The following CAD variants were observed in gnomAD, a reference collection of about 807,000 sequenced individuals.
The protein encoded by CAD is carbamoyl-phosphate synthetase 2, aspartate transcarbamylase, and dihydroorotase, also known as multifunctional protein CAD.
A neutral mutation model predicts 237.2 loss-of-function variants in CAD; 81 were observed. That is an observed-to-expected ratio of 0.34 (90% CI 0.29 to 0.41). The LOEUF (loss-of-function observed/expected upper bound fraction) is 0.41, where lower values mean the gene tolerates loss of function less well. Ranked by LOEUF, CAD falls within the 10% of genes least tolerant of loss-of-function variation. CAD has a pLI of 1.00. For synonymous variants in CAD, 1,196 were observed against 1,162.8 expected (o/e 1.03, Z -0.58); for missense variants, 2,181 against 2,951.7 (o/e 0.74, Z 6.05).
chr2:27,221,697 TA>T (rs1675173505), intron 3 of CAD, among the ~76,000 whole-genome samples: 1 of 148,360 alleles, frequency 6.7e-6, no homozygotes, highest in South Asian at 2.2e-4. Flanking sequence ...CGTCATACAC[TA>T]AAAAAATTAA....
rs1676269045 is a variant in CAD at position 27,240,581 on chromosome 2, C to G, written c.5593+220C>G. 1 of 1,546,226 alleles carries G rather than the reference C, an allele frequency of 6.5e-7. No individual in the cohort carries two copies. Among genetic ancestry groups the G allele is most frequent in the East Asian group, 2.5e-5 (1 of 40,728 alleles). The stretch of plus-strand genomic sequence containing the variant: ...GTTGTGGGCAGCTGTGTTCCTCCGC[C>G]CAGGAGCTGGGATCCCACGGGGCAG... On this transcript the variant is annotated intron_variant, in intron 35 of 43. Transcript: ENST00000264705. The surrounding 1 kb of genome is among the most constrained non-coding windows in gnomAD (Gnocchi z 4.6).
rs567787691 is a variant in CAD at position 27,233,417 on chromosome 2, C to T, written c.3097C>T (p.Arg1033Trp). 27 of 1,614,224 alleles carry T rather than the reference C, an allele frequency of 1.7e-5. 1 individual carries two copies. The South Asian group carries it at 2.2e-4, about 13-fold the overall frequency. The change falls in exon 20 of 44, where the codon CGG (arginine) becomes TGG (tryptophan). Residue 1033 changes from arginine (R) to tryptophan (W), a missense_variant. Coordinates refer to ENST00000264705, the MANE Select transcript of CAD (RefSeq NM_004341.5). The surrounding 1 kb of genome is among the most constrained non-coding windows in gnomAD (Gnocchi z 6.3). ...CATGGCGTTGCATCGGCAGCAGTGC[C>T]GGGTGCTGGGCACCTCCCCTGAAGC... The part of the protein sequence containing the change: ...MAMALHRQQC[R>W]VLGTSPEAID...
chr2:27,224,857 C>G lies in CAD; in HGVS notation c.1367C>G (p.Thr456Arg). The G allele has an allele frequency of 1.2e-6, 2 of 1,614,192 alleles. No individual in the cohort carries two copies. The highest frequency in any genetic ancestry group is 1.7e-6 in the Non-Finnish European group (2 of 1,180,026). Residue 456 changes from threonine (T) to arginine (R), a missense_variant, in exon 10 of 44, where the codon ACA becomes AGA. Thr to Arg is a moderately conservative substitution (Grantham distance 71). Around this residue, in one of 12 missense-constraint regions of CAD, gnomAD observed 174 missense variants for 215.8 expected, o/e 0.81. Coordinates refer to ENST00000264705, the MANE Select transcript of CAD (RefSeq NM_004341.5). ...GACAAGGTCTATTTTCTTCCCATAA[C>G]ACCTCATTATGTAACCCAGGTATGA... ...LADKVYFLPITPHYVTQVIRN... is the reference protein window; with the variant it reads ...LADKVYFLPIRPHYVTQVIRN...
rs1232210487 is a variant in CAD, at chr2:27,243,204, G to A, written c.6487G>A (p.Gly2163Ser). 28 of 1,613,940 alleles carry A rather than the reference G, an allele frequency of 1.7e-5. No individual in the cohort carries two copies. The highest frequency in any genetic ancestry group is 2.3e-5 in the Non-Finnish European group (27 of 1,179,978). ...GSTQEYEACF[G>S]QFILTPHIMT... ...GACCCCATCTGCTTTGCAGTGCTTT[G>A]GTCAGTTCATCCTCACTCCCCACAT... The change falls in exon 43 of 44, where the codon GGT (glycine) becomes AGT (serine). Residue 2163 changes from glycine to serine, a missense_variant. Gly to Ser is a moderately conservative substitution (Grantham distance 56, BLOSUM62 0). This residue lies in a region of CAD where 170 missense variants were observed against 212.1 expected (regional missense o/e 0.80). Transcript: ENST00000264705.
chr2:27,220,965 A>G (rs1264959603), intron 2 of CAD, among the ~76,000 whole-genome samples: 1 of 152,134 alleles, frequency 6.6e-6, no homozygotes, highest in Non-Finnish European at 1.5e-5. Flanking sequence ...CTCAAAAAAA[A>G]TAAATAATAA....
At position 27,224,021 on chromosome 2, in the gene CAD, G is replaced by T. The variant is rs766915720; in HGVS notation, c.1100G>T (p.Gly367Val). Residue 367 changes from glycine to valine, a missense_variant, in exon 8 of 44, where the codon GGC becomes GTC. Transcript: ENST00000264705. Reference protein sequence around the residue: ...VKEATAGNPGGQTVRERLTER... With the variant: ...VKEATAGNPGVQTVRERLTER... The stretch of plus-strand genomic sequence containing the variant: ...GAGGCCACAGCTGGGAACCCTGGGG[G>T]CCAGACAGGTAAGATCCTGAGTAGA... 2.5e-6 allele frequency: 4 copies of T among 1,610,134 alleles called. No homozygotes were observed. In the Admixed American group the frequency reaches 6.7e-5, roughly 27 times the overall value.
intron 15 of CAD, among the ~76,000 whole-genome samples, chr2:27,228,503 C>T (rs890923261): frequency 1.3e-5 from 2 of 152,310 alleles, no homozygotes; most frequent in South Asian, 2.1e-4. Context: ...GTGGGAGGAT[C>T]GCTTGAGCCC....
chr2:27,233,783 TCTC>T lies in CAD; in HGVS notation c.3376_3378del (p.Ser1126del). ...GTCTCCAAAGAGCATCCCGTGGTCATCTCCAAGTTCATCCAGGAGGCTAAGGTG... is the reference window on the plus strand; with the variant it reads ...GTCTCCAAAGAGCATCCCGTGGTCATCAAGTTCATCCAGGAGGCTAAGGTG... On this transcript the variant is annotated inframe_deletion, in exon 21 of 44. Coordinates refer to ENST00000264705, the MANE Select transcript of CAD (RefSeq NM_004341.5). The surrounding 1 kb of genome is among the most constrained non-coding windows in gnomAD (Gnocchi z 6.3). 1 of 1,614,042 alleles carries T rather than the reference TCTC, an allele frequency of 6.2e-7. No homozygotes were observed. The highest frequency in any genetic ancestry group is 8.5e-7 in the Non-Finnish European group (1 of 1,180,032).
At chr2:27,238,998 A>T in intron 31 of CAD, 44 bp from the exon 32 acceptor site, 1 of 1,505,712 alleles carries the variant, frequency 6.6e-7, no homozygotes. Flanking sequence ...CTTCCTAGAC[A>T]TGGAGGTGAT....
In CAD at chr2:27,225,938, G is replaced by A; in HGVS notation, c.1842+12G>A. On this transcript the variant is annotated intron_variant, in intron 12 of 43. Transcript: ENST00000264705. The stretch of plus-strand genomic sequence containing the variant: ...GCAACTGTGTCACGGTGAGTGAATG[G>A]GGGAAGGGTGGGCGTCGTGTCAGGC... The A allele has an allele frequency of 6.2e-7, 1 of 1,608,436 alleles. No homozygotes were observed. Among genetic ancestry groups the A allele is most frequent in the Non-Finnish European group, 8.5e-7 (1 of 1,174,758 alleles).
intron 15 of CAD, among the ~76,000 whole-genome samples, chr2:27,229,475 A>G (rs1431886429): frequency 6.6e-6 from 1 of 151,766 alleles, no homozygotes; most frequent in Non-Finnish European, 1.5e-5. Context: ...AGGTCTCACT[A>G]TGTTGTGCCG....
rs763596085 is a variant in CAD, at chr2:27,225,016, C to T, written c.1393C>T (p.Arg465Cys). The T allele has an allele frequency of 5.0e-6, 8 of 1,608,800 alleles. No individual in the cohort carries two copies. In the Admixed American group the frequency reaches 5.0e-5, roughly 10 times the overall value. Residue 465 changes from arginine (R) to cysteine (C), a missense_variant, in exon 11 of 44, where the codon CGT becomes TGT. This residue lies in a region of CAD where 174 missense variants were observed against 215.8 expected (regional missense o/e 0.81). Coordinates refer to ENST00000264705, the MANE Select transcript of CAD (RefSeq NM_004341.5). ...CTCCCCTCTCCATCCTCAGGTGATACGTAATGAACGCCCCGATGGTGTGTT... is the reference window on the plus strand; with the variant it reads ...CTCCCCTCTCCATCCTCAGGTGATATGTAATGAACGCCCCGATGGTGTGTT... Reference protein sequence around the residue: ...ITPHYVTQVIRNERPDGVLLT... With the variant: ...ITPHYVTQVICNERPDGVLLT...
Position 27,238,470 on chromosome 2 carries a change from G to A in CAD, c.4900G>A (p.Val1634Met), listed in dbSNP as rs201394008. Residue 1634 changes from valine to methionine, a missense_variant, in exon 31 of 44, where the codon GTG becomes ATG. Physicochemically the swap from Val to Met is conservative, Grantham distance 21. Coordinates refer to ENST00000264705, the MANE Select transcript of CAD (RefSeq NM_004341.5). ...IKAAKARGLPVTCEVAPHHLF... is the reference protein window; with the variant it reads ...IKAAKARGLPMTCEVAPHHLF... ...AGCTGCAAAGGCACGGGGCTTGCCAGTGACCTGCGAGGTGGCTCCCCACCA... is the reference window on the plus strand; with the variant it reads ...AGCTGCAAAGGCACGGGGCTTGCCAATGACCTGCGAGGTGGCTCCCCACCA... 3 of 1,604,142 alleles carry A rather than the reference G, an allele frequency of 1.9e-6. No homozygotes were observed. The South Asian group carries it at 3.3e-5, about 18-fold the overall frequency.
chr2:27,242,301 G>T lies in CAD; in HGVS notation c.6097-1G>T, dbSNP rs1209272457. On this transcript the variant is annotated splice_acceptor_variant, in intron 39 of 43. Transcript: ENST00000264705. LOFTEE classifies it high-confidence loss of function. The surrounding 1 kb of genome is among the most constrained non-coding windows in gnomAD (Gnocchi z 6.4). ...AGACAGGATTTTCCCCTTTTTTCCAGCTGGCCGCCAAGCACTGCCGGAGGC... is the reference window on the plus strand; with the variant it reads ...AGACAGGATTTTCCCCTTTTTTCCATCTGGCCGCCAAGCACTGCCGGAGGC... 1 of 1,603,916 alleles carries T rather than the reference G, an allele frequency of 6.2e-7. No homozygotes were observed. Among genetic ancestry groups the T allele is most frequent in the South Asian group, 1.1e-5 (1 of 90,436 alleles).
rs760485703 is a variant in CAD, at chr2:27,236,754, A to G, written c.4320A>G (p.Leu1440=). ...IKCTKLFVEA[L]GQIGPAPPLK... is the part of the protein sequence containing the mutation. ...TGACTGCTTTCCACTTGCAGGCCCTAGGCCAGATCGGGCCAGCCCCTCCTT... is the reference window on the plus strand; with the variant it reads ...TGACTGCTTTCCACTTGCAGGCCCTGGGCCAGATCGGGCCAGCCCCTCCTT... The change falls in exon 27 of 44, where the codon CTA becomes CTG. Residue 1440 remains leucine, a synonymous_variant. Transcript: ENST00000264705. This position sits in a 1 kb window ranked among gnomAD's most constrained non-coding sequence, Gnocchi z 4.1. 86 of 1,613,992 alleles carry G rather than the reference A, an allele frequency of 5.3e-5. No homozygotes were observed. The Middle Eastern group carries it at 6.6e-4, about 12-fold the overall frequency.
At chr2:27,227,733 G>C (rs560720337) in intron 15 of CAD, among the ~76,000 whole-genome samples, 1 of 152,252 alleles carries the variant, frequency 6.6e-6, no homozygotes, top group African/African-American at 2.4e-5. Context: ...ACATTTAATT[G>C]TTTTACATCT....
chr2:27,223,722 T>C lies in CAD; in HGVS notation c.969T>C (p.Ile323=). 1 of 1,614,184 alleles carries C rather than the reference T, an allele frequency of 6.2e-7. No individual in the cohort carries two copies. Among genetic ancestry groups the C allele is most frequent in the East Asian group, 2.2e-5 (1 of 44,886 alleles). The part of the protein sequence containing the change: ...TNANDGSNEG[I]VHNSLPFFSV... ...CCAATGATGGTTCCAATGAAGGCAT[T>C]GTGCACAACAGCTTGCCTTTCTTCA... is the stretch of plus-strand genomic sequence containing the variant. Residue 323 remains isoleucine, a synonymous_variant, in exon 7 of 44, where the codon ATT becomes ATC. Transcript: ENST00000264705.
At chr2:27,223,805 GA>G (rs1220594886) in intron 7 of CAD, 57 bp downstream of exon 7, 2 of 1,593,214 alleles carry the variant, frequency 1.3e-6, no homozygotes, top group East Asian at 4.5e-5. Flanking sequence ...CTTGATGATG[GA>G]AAAGTAAAGC....
At position 27,223,578 on chromosome 2, in the gene CAD, C is replaced by A; in HGVS notation, c.825C>A (p.Gly275=). 1.2e-6 allele frequency: 2 copies of A among 1,612,832 alleles called. No individual in the cohort carries two copies. The highest frequency in any genetic ancestry group is 1.7e-6 in the Non-Finnish European group (2 of 1,179,962). ...CTACCTCCAGATATGGGAACCGAGG[C>A]CATAACCAGCCCTGCTTGTTGGTGG... ...KTYKMRYGNR[G]HNQPCLLVGS... Residue 275 remains glycine (G), a synonymous_variant, in exon 7 of 44, where the codon GGC becomes GGA. Coordinates refer to ENST00000264705, the MANE Select transcript of CAD (RefSeq NM_004341.5).
Sources: gnomAD v4.1 joint callset for allele counts (sites outside exome capture counted in the v4.1 genomes callset) on GRCh38, gnomAD v4.1.1 for gene constraint, gnomAD v4.1.1 regional missense constraint, Gnocchi (gnomAD v3.1) non-coding constraint, MANE v1.5 for transcripts, NCBI Gene and HGNC (gene_info 2026-07-23, HGNC 2026-07-21) for gene names.